The following SUGCT variants were observed in gnomAD, a reference collection of about 807,000 sequenced individuals.
The protein encoded by SUGCT is succinyl-CoA:glutarate CoA-transferase.
In SUGCT, 41 loss-of-function variants were observed where a neutral mutation model predicts 55.0. That is an observed-to-expected ratio of 0.74 (90% CI 0.58 to 0.97). The LOEUF is 0.97. Ranked by LOEUF, SUGCT falls within the 50% of genes least tolerant of loss-of-function variation. SUGCT has a pLI of 0.00. For synonymous variants in SUGCT, 187 were observed against 200.4 expected (o/e 0.93, Z 0.56); for missense variants, 568 against 547.8 (o/e 1.04, Z -0.37).
At chr7:40,278,332 T>A (rs1187102193) in intron 8 of SUGCT, among the ~76,000 whole-genome samples, 1 of 152,170 alleles carries the variant, frequency 6.6e-6, no homozygotes, top group Admixed American at 6.6e-5. Flanking sequence ...TTGGTGGGAC[T>A]GTAAACTAGT....
intron 7 of SUGCT, among the ~76,000 whole-genome samples, chr7:40,241,941 T>A (rs1297249868): frequency 6.7e-6 from 1 of 149,298 alleles, no homozygotes; most frequent in Non-Finnish European, 1.5e-5. Flanking sequence ...AAAAACCGTC[T>A]TTATCATGTG....
rs1562589575 is a variant in SUGCT, at chr7:40,222,995, TTCCTTCCTTC to T, written c.485-14639_485-14630del. Among the ~76,000 whole-genome samples, 228 of 130,006 alleles carry T rather than the reference TTCCTTCCTTC, an allele frequency of 1.8e-3. 1 individual carries two copies. The highest frequency in any genetic ancestry group is 4.0e-3 in the African/African-American group (131 of 32,646). 85.3% of individuals were successfully genotyped at this position (130,006 alleles called of 152,430 possible). On this transcript the variant is annotated intron_variant, in intron 6 of 13. Transcript: ENST00000335693. ...TTTTATTTTTCATTTCTTTCCTTCCTTCCTTCCTTCCTTCCTTCCTTCCTTCCTTCCTTCC... is the reference window on the plus strand; with the variant it reads ...TTTTATTTTTCATTTCTTTCCTTCCTCTTCCTTCCTTCCTTCCTTCCTTCC...
intron 12 of SUGCT, among the ~76,000 whole-genome samples, chr7:40,540,295 T>C (rs542137815): frequency 3.3e-5 from 5 of 152,270 alleles, no homozygotes; most frequent in Non-Finnish European, 7.3e-5. Context: ...ATTTCATTTA[T>C]TTATTACAAT....
intron 13 of SUGCT, among the ~76,000 whole-genome samples, chr7:40,833,445 T>C (rs563388730): frequency 1.3e-5 from 2 of 152,372 alleles, no homozygotes; most frequent in Admixed American, 1.3e-4. Context: ...CCAGCCTATT[T>C]AGTGCCTTGC....
chr7:40,843,266 C>A (rs1311847406), intron 13 of SUGCT, among the ~76,000 whole-genome samples: 2 of 151,960 alleles, frequency 1.3e-5, no homozygotes, highest in African/African-American at 4.8e-5. Context: ...AATCTCAGCT[C>A]TTTGGGAGGC....
At chr7:40,931,469 A>C in the SUGCT span, among the ~76,000 whole-genome samples, 2 of 152,058 alleles carry the variant, frequency 1.3e-5, no homozygotes, top group Non-Finnish European at 2.9e-5. Context: ...CTCTTTTTCT[A>C]TTGATTGGAA....
chr7:40,965,283 T>C, the SUGCT span: 3 of 152,354 alleles, frequency 2.0e-5, no homozygotes, highest in African/African-American at 4.8e-5. Context: ...CTCCCCTCTT[T>C]TGCTTTGACT....
chr7:40,982,574 C>T, the SUGCT span, among the ~76,000 whole-genome samples: 5 of 152,130 alleles, frequency 3.3e-5, no homozygotes, highest in African/African-American at 1.2e-4. Flanking sequence ...TGCATTAGAA[C>T]CACCTTCTAA....
intron 6 of SUGCT, among the ~76,000 whole-genome samples, chr7:40,214,927 G>T (rs1331824829): frequency 6.6e-6 from 1 of 150,704 alleles, no homozygotes; most frequent in African/African-American, 2.4e-5. Flanking sequence ...AAAAAAAAAA[G>T]AAAGAAAGTG....
At chr7:40,828,543 G>A (rs936147615) in intron 13 of SUGCT, among the ~76,000 whole-genome samples, 14 of 137,542 alleles carry the variant, frequency 1.0e-4, no homozygotes, top group African/African-American at 3.3e-4. Context: ...TCCTATTACC[G>A]TTATATTCTA....
chr7:40,792,565 T>G (rs1187497365), intron 13 of SUGCT, among the ~76,000 whole-genome samples: 1 of 152,170 alleles, frequency 6.6e-6, no homozygotes, highest in Non-Finnish European at 1.5e-5. Flanking sequence ...ATGCTGGACT[T>G]GTAGCTATCT....
At chr7:40,614,890 T>C (rs1798924120) in intron 12 of SUGCT, among the ~76,000 whole-genome samples, 1 of 152,014 alleles carries the variant, frequency 6.6e-6, no homozygotes, top group African/African-American at 2.4e-5. Context: ...ACCCCATCTC[T>C]ACTAAAAATA....
intron 11 of SUGCT, among the ~76,000 whole-genome samples, chr7:40,490,158 T>C (rs1354016479): frequency 2.0e-5 from 3 of 152,172 alleles, no homozygotes; most frequent in African/African-American, 7.2e-5. Flanking sequence ...GAGCACCAGC[T>C]TTGTGTGGAG....
At chr7:40,321,414 G>A (rs1042727041) in intron 9 of SUGCT, among the ~76,000 whole-genome samples, 1 of 142,898 alleles carries the variant, frequency 7.0e-6, no homozygotes, top group Non-Finnish European at 1.5e-5. Flanking sequence ...ACAGAGTCTT[G>A]CTCTGTTGCC....
chr7:40,667,615 C>T (rs1476790267), intron 12 of SUGCT, among the ~76,000 whole-genome samples: 1 of 146,290 alleles, frequency 6.8e-6, no homozygotes, highest in African/African-American at 2.5e-5. Context: ...ATTACGAATT[C>T]AGTTTCAGAA....
intron 12 of SUGCT, among the ~76,000 whole-genome samples, chr7:40,559,844 C>T (rs2151659135): frequency 6.6e-6 from 1 of 152,352 alleles, no homozygotes; most frequent in Middle Eastern, 3.4e-3. Context: ...TTGAAACTTT[C>T]ACCACTGTCA....
intron 12 of SUGCT, among the ~76,000 whole-genome samples, chr7:40,581,002 CAT>C (rs1425423873): frequency 1.3e-5 from 2 of 152,140 alleles, no homozygotes; most frequent in African/African-American, 4.8e-5. Context: ...TTAAGCAACA[CAT>C]GACTGTAATT....
chr7:40,863,635 G>A (rs549618879), downstream of SUGCT, among the ~76,000 whole-genome samples: 31 of 152,210 alleles, frequency 2.0e-4, 1 homozygote, highest in Non-Finnish European at 3.2e-4. Context: ...AATGCACACC[G>A]TTGCCCTCCA....
At chr7:40,981,224 T>C in the SUGCT span, among the ~76,000 whole-genome samples, 1 of 152,204 alleles carries the variant, frequency 6.6e-6, no homozygotes, top group Non-Finnish European at 1.5e-5. Flanking sequence ...TGATGAAGTC[T>C]GAATTGTGGC....
Sources: gnomAD v4.1 joint callset for allele counts (sites outside exome capture counted in the v4.1 genomes callset) on GRCh38, gnomAD v4.1.1 for gene constraint, MANE v1.5 for transcripts, NCBI Gene and HGNC (gene_info 2026-07-23, HGNC 2026-07-21) for gene names.